MAP3K9: variants seen among roughly 807,000 people sequenced by gnomAD.
MAP3K9 encodes the protein mixed lineage kinase 1 (tyr and ser/thr specificity).
In MAP3K9, 46 loss-of-function variants were observed where a neutral mutation model predicts 95.8. The observed-to-expected ratio is 0.48, with a 90% CI of 0.38 to 0.61. MAP3K9 has a LOEUF of 0.61. Ranked by LOEUF, MAP3K9 falls within the 20% of genes least tolerant of loss-of-function variation. MAP3K9 has a pLI of 0.00. For synonymous variants in MAP3K9, 533 were observed against 593.8 expected, an observed-to-expected ratio of 0.90 and a Z score of 1.49; for missense variants, 1,296 against 1,474.3, an observed-to-expected ratio of 0.88 and a Z score of 1.98.
At chr14:70,751,137 A>G (rs139318996) in intron 3 of MAP3K9, among the ~76,000 whole-genome samples, 44 of 152,356 alleles carry the variant, frequency 2.9e-4, no homozygotes, top group African/African-American at 1.0e-3. Context: ...TGAGAACTTC[A>G]GTGTGCCCTC....
chr14:70,803,356 A>AAAAAAAAAAAC (rs2054953938), intron 1 of MAP3K9, among the ~76,000 whole-genome samples: 1 of 150,580 alleles, frequency 6.6e-6, no homozygotes, highest in Non-Finnish European at 1.5e-5. Flanking sequence ...AAAAAAAAAA[A>AAAAAAAAAAAC]AAAAAACTGA....
chr14:70,750,609 C>T (rs528588858), intron 3 of MAP3K9, among the ~76,000 whole-genome samples: 58 of 152,198 alleles, frequency 3.8e-4, no homozygotes, highest in African/African-American at 1.2e-3. Context: ...CTCCACCTGC[C>T]GAGTAGCTGG....
chr14:70,793,369 G>A (rs2054827296), intron 2 of MAP3K9, among the ~76,000 whole-genome samples: 1 of 152,170 alleles, frequency 6.6e-6, no homozygotes, highest in African/African-American at 2.4e-5. Context: ...TCAAGGGCCA[G>A]GGGACTCTAA....
rs907502884 is a variant in MAP3K9, at chr14:70,727,245, G to A, written c.*3135C>T. 3 of 152,166 alleles carry A rather than the reference G, an allele frequency of 2.0e-5. No homozygotes were observed. Among genetic ancestry groups the A allele is most frequent in the African/African-American group, 7.2e-5 (3 of 41,436 alleles). 9.4% of individuals were successfully genotyped at this position (152,166 alleles called of 1,614,324 possible). ...GGGATGCCACAGGATGCCAAGTGAA[G>A]AGGATCCGCCAAAGCCTCTCAGAAA... is the stretch of plus-strand genomic sequence containing the variant. On this transcript the variant is annotated 3_prime_UTR_variant, in exon 12 of 12. Transcript: ENST00000554752.
In MAP3K9 at chr14:70,724,374, G is replaced by A. The variant is rs983391051; in HGVS notation, c.*6006C>T. ...TCCTATTTAAATGCGAGCACCGCCAGAGAGCCACTGCCTCACTCAGGACCT... is the reference window on the plus strand; with the variant it reads ...TCCTATTTAAATGCGAGCACCGCCAAAGAGCCACTGCCTCACTCAGGACCT... On this transcript the variant is annotated 3_prime_UTR_variant, in exon 12 of 12. Transcript: ENST00000554752. 4 of 152,158 alleles carry A rather than the reference G, an allele frequency of 2.6e-5. No individual in the cohort carries two copies. Among genetic ancestry groups the A allele is most frequent in the African/African-American group, 9.7e-5 (4 of 41,440 alleles). The allele number at this position is 152,158 out of a possible 1,614,324, so 9.4% of individuals were successfully genotyped here.
At chr14:70,766,857 A>G (rs1454984662) in intron 2 of MAP3K9, among the ~76,000 whole-genome samples, 1 of 152,196 alleles carries the variant, frequency 6.6e-6, no homozygotes, top group East Asian at 1.9e-4. Flanking sequence ...GTAATTGATT[A>G]GTCTACCCTG....
intron 7 of MAP3K9, among the ~76,000 whole-genome samples, chr14:70,739,327 T>A (rs1353163311): frequency 1.3e-5 from 2 of 152,272 alleles, no homozygotes; most frequent in East Asian, 1.9e-4. Context: ...AGGCGGGGTT[T>A]CAGCATGTTG....
intron 9 of MAP3K9, among the ~76,000 whole-genome samples, chr14:70,735,099 A>T (rs1301517528): frequency 6.6e-6 from 1 of 152,228 alleles, no homozygotes; most frequent in African/African-American, 2.4e-5. Context: ...TGGGTAGTGC[A>T]CAGTGCTGAA....
chr14:70,797,670 G>A (rs955480680), intron 2 of MAP3K9, among the ~76,000 whole-genome samples: 6 of 152,158 alleles, frequency 3.9e-5, no homozygotes, highest in East Asian at 1.9e-4. Context: ...CCTGGGAGGC[G>A]GCGGTTGCAA....
chr14:70,757,310 A>G (rs1420551221), intron 3 of MAP3K9, among the ~76,000 whole-genome samples: 1 of 152,022 alleles, frequency 6.6e-6, no homozygotes, highest in Non-Finnish European at 1.5e-5. Context: ...TGTCTCTACA[A>G]AAAAAATAGA....
intron 2 of MAP3K9, among the ~76,000 whole-genome samples, chr14:70,777,160 G>C (rs1374295505): frequency 1.3e-5 from 2 of 152,058 alleles, no homozygotes; most frequent in Admixed American, 1.3e-4. Context: ...CCCATCTCTA[G>C]GGCGCTGTTG....
chr14:70,754,833 A>G (rs2054276656), intron 3 of MAP3K9, among the ~76,000 whole-genome samples: 1 of 152,112 alleles, frequency 6.6e-6, no homozygotes, highest in Non-Finnish European at 1.5e-5. Context: ...CCCACAACCA[A>G]CAGGCAAGAA....
intron 2 of MAP3K9, among the ~76,000 whole-genome samples, chr14:70,782,487 C>A (rs2054693077): frequency 6.6e-6 from 1 of 152,184 alleles, no homozygotes; most frequent in Non-Finnish European, 1.5e-5. Context: ...CATCCCATCA[C>A]CTTGCAGGCA....
At chr14:70,771,600 T>C (rs2054532611) in intron 2 of MAP3K9, among the ~76,000 whole-genome samples, 1 of 152,056 alleles carries the variant, frequency 6.6e-6, no homozygotes, top group Admixed American at 6.5e-5. Flanking sequence ...CTGTGTGACC[T>C]TCACCAGGCC....
intron 4 of MAP3K9, among the ~76,000 whole-genome samples, chr14:70,749,291 A>T (rs1162232214): frequency 6.6e-6 from 1 of 152,230 alleles, no homozygotes; most frequent in East Asian, 1.9e-4. Context: ...TTTCTTGTAC[A>T]AAGCACCACC....
At position 70,741,058 on chromosome 14, in the gene MAP3K9, T is replaced by C. The variant is rs1594770362; in HGVS notation, c.1568-894A>G. Among the ~76,000 whole-genome samples, 7 of 152,250 alleles carry C rather than the reference T, an allele frequency of 4.6e-5. No individual in the cohort carries two copies. In the South Asian group the frequency reaches 1.5e-3, roughly 32 times the overall value. On this transcript the variant is annotated intron_variant, in intron 6 of 11. Coordinates refer to ENST00000554752, the MANE Select transcript of MAP3K9 (RefSeq NM_001284230.2). ...CATTTTAGTGCTTAACATCATCTAC[T>C]CCTGCCCCATTAGACCATTCTTTCT... is the stretch of plus-strand genomic sequence containing the variant.
intron 2 of MAP3K9, among the ~76,000 whole-genome samples, chr14:70,768,175 G>C (rs1025540593): frequency 6.6e-6 from 1 of 152,036 alleles, no homozygotes; most frequent in Non-Finnish European, 1.5e-5. Flanking sequence ...TAACACAAAG[G>C]ATAAACGCTT....
chr14:70,742,706 T>C (rs1010937575), intron 5 of MAP3K9, 115 bp from the exon 6 acceptor site: 7 of 1,192,826 alleles, frequency 5.9e-6, no homozygotes, highest in Non-Finnish European at 8.1e-6. Context: ...AGCTCTCCTA[T>C]GATGCTCAGT....
At chr14:70,783,548 G>A (rs2054709068) in intron 2 of MAP3K9, 5 of 252,858 alleles carry the variant, frequency 2.0e-5, no homozygotes, top group South Asian at 1.5e-4. Context: ...TGAGGTGGGC[G>A]AAGGAAATAG....
Sources: allele counts gnomAD v4.1 joint callset (sites outside exome capture counted in the v4.1 genomes callset), GRCh38; gene constraint gnomAD v4.1.1; transcripts MANE v1.5; gene names NCBI Gene and HGNC (gene_info 2026-07-23, HGNC 2026-07-21).